Variants in HEXB observed in about 807,000 individuals in gnomAD.
HEXB encodes the protein hexosaminidase subunit beta.
Under a neutral mutation model 71.2 loss-of-function variants are expected in HEXB, and 51 were observed. That is an observed-to-expected ratio of 0.72 (90% confidence interval 0.57 to 0.90). The LOEUF is 0.90. Ranked by LOEUF, HEXB falls within the 40% of genes least tolerant of loss-of-function variation. HEXB has a pLI of 0.00. For missense variants in HEXB, 617 were observed against 677.0 expected (o/e 0.91, Z 0.98); for synonymous variants, 266 against 249.3 (o/e 1.07, Z -0.63).
At chr5:74,662,588 A>G (rs989713846) in intron 1 of HEXB, among the ~76,000 whole-genome samples, 1 of 152,200 alleles carries the variant, frequency 6.6e-6, no homozygotes, top group Non-Finnish European at 1.5e-5. Flanking sequence ...TAGATGTTTT[A>G]AGGTGCTGTT....
intron 1 of HEXB, among the ~76,000 whole-genome samples, chr5:74,650,720 G>A (rs983924872): frequency 2.6e-5 from 4 of 151,792 alleles, no homozygotes; most frequent in Admixed American, 6.6e-5. Flanking sequence ...AGGAGATCGA[G>A]ACCATCCGGG....
intron 11 of HEXB, among the ~76,000 whole-genome samples, chr5:74,719,450 T>TG (rs745751705): frequency 4.6e-5 from 7 of 152,098 alleles, no homozygotes; most frequent in Admixed American, 6.5e-5. Flanking sequence ...ATCTGAAGGG[T>TG]GGAGCTTCAG....
In HEXB at chr5:74,713,502, A is replaced by AC. The variant is rs754003883; in HGVS notation, c.772-3dup. The AC allele has an allele frequency of 6.2e-7, 1 of 1,609,700 alleles. No individual in the cohort carries two copies. The highest frequency in any genetic ancestry group is 2.2e-5 in the East Asian group (1 of 44,834). ...TTTAACTTGAATAAATATGGCTTTTACAGGGAAGCTATTCTTTGTCTCATG... is the reference window on the plus strand; with the variant it reads ...TTTAACTTGAATAAATATGGCTTTTACCAGGGAAGCTATTCTTTGTCTCATG... On this transcript the variant is annotated splice_polypyrimidine_tract_variant and splice_region_variant and intron_variant, in intron 6 of 13. Coordinates refer to ENST00000261416, the MANE Select transcript of HEXB (RefSeq NM_000521.4).
At chr5:74,676,063 G>T (rs1748625441) in intron 1 of HEXB, among the ~76,000 whole-genome samples, 1 of 152,206 alleles carries the variant, frequency 6.6e-6, no homozygotes, top group Admixed American at 6.5e-5. Context: ...ATATGGCAAA[G>T]ATGTCAGTTT....
At chr5:74,640,183 C>T (rs1747799872) in exon 1 of HEXB, 1 of 152,188 alleles carries the variant, frequency 6.6e-6, no homozygotes, top group African/African-American at 2.4e-5. Context: ...CTCCCCTTGC[C>T]CTCTAGTCGA....
intron 1 of HEXB, among the ~76,000 whole-genome samples, chr5:74,669,853 G>A (rs866218356): frequency 6.6e-6 from 1 of 152,176 alleles, no homozygotes; most frequent in African/African-American, 2.4e-5. Flanking sequence ...AAGAGACTGG[G>A]GAGAAAAAGA....
chr5:74,706,790 C>T (rs1317427804), intron 6 of HEXB, among the ~76,000 whole-genome samples: 9 of 151,440 alleles, frequency 5.9e-5, no homozygotes, highest in East Asian at 2.0e-4. Context: ...ACAGAGCAGC[C>T]GGGAAGCTCC....
At chr5:74,660,830 A>C (rs890891641) in intron 1 of HEXB, among the ~76,000 whole-genome samples, 5 of 152,234 alleles carry the variant, frequency 3.3e-5, no homozygotes, top group African/African-American at 1.2e-4. Context: ...GGGATACACA[A>C]ATTGCCATTC....
intron 1 of HEXB, among the ~76,000 whole-genome samples, chr5:74,687,510 A>G (rs1748901056): frequency 6.6e-6 from 1 of 152,134 alleles, no homozygotes; most frequent in East Asian, 1.9e-4. Context: ...AAAAATAAAC[A>G]AATAGCTTCA....
chr5:74,654,320 A>G (rs1281974312), intron 1 of HEXB, among the ~76,000 whole-genome samples: 1 of 152,166 alleles, frequency 6.6e-6, no homozygotes, highest in East Asian at 1.9e-4. Flanking sequence ...GAAATTTTGC[A>G]TTTCTAACGA....
intron 6 of HEXB, among the ~76,000 whole-genome samples, chr5:74,709,693 A>C (rs1032989327): frequency 3.9e-5 from 6 of 152,246 alleles, no homozygotes; most frequent in African/African-American, 9.6e-5. Flanking sequence ...ATCTAGAAGA[A>C]ATGGATAAAT....
chr5:74,693,613 T>C (rs771384286), intron 2 of HEXB, 26 bp from the exon 3 acceptor site: 21 of 1,503,396 alleles, frequency 1.4e-5, no homozygotes, highest in African/African-American at 1.4e-5. Context: ...CAAAAGTGTG[T>C]GTGTGATTTT....
rs141662456 is a variant in HEXB, at chr5:74,699,490, A to G, written c.669+2384A>G. On this transcript the variant is annotated intron_variant, in intron 5 of 13. Coordinates refer to ENST00000261416, the MANE Select transcript of HEXB (RefSeq NM_000521.4). ...GGGTTTCACCATGTTGGTCAGGCTGATCTTGAACTCCTGACCTCAAGTGAT... is the reference window on the plus strand; with the variant it reads ...GGGTTTCACCATGTTGGTCAGGCTGGTCTTGAACTCCTGACCTCAAGTGAT... Among the ~76,000 whole-genome samples, 1,265 of 151,970 alleles carry G rather than the reference A, an allele frequency of 8.3e-3. 12 individuals carry two copies. Among genetic ancestry groups the G allele is most frequent in the Non-Finnish European group, 0.013 (900 of 67,944 alleles).
At chr5:74,697,319 C>T (rs1015069353) in intron 5 of HEXB, among the ~76,000 whole-genome samples, 8 of 152,156 alleles carry the variant, frequency 5.3e-5, no homozygotes, top group Non-Finnish European at 1.0e-4. Flanking sequence ...GCGAGAGCCA[C>T]GTATAACATG....
At chr5:74,702,324 C>T (rs962116778) in intron 5 of HEXB, among the ~76,000 whole-genome samples, 11 of 151,716 alleles carry the variant, frequency 7.3e-5, no homozygotes, top group Middle Eastern at 3.4e-3. Context: ...GTGATCCGCC[C>T]GCCTCGGCCT....
chr5:74,711,618 GT>G (rs1344105506), intron 6 of HEXB, among the ~76,000 whole-genome samples: 1 of 152,090 alleles, frequency 6.6e-6, no homozygotes, highest in Non-Finnish European at 1.5e-5. Flanking sequence ...CAAAAAGTGG[GT>G]GAAGGACATG....
chr5:74,650,647 C>T lies in HEXB; in HGVS notation c.-377+10089C>T, dbSNP rs187658267. On this transcript the variant is annotated intron_variant, in intron 1 of 13. Coordinates refer to the HEXB transcript ENST00000511181. Reference sequence around the variant, plus strand: ...TTTTAAAAGTCAACTGCAGGCCAGGCGCGGTGGCTCACGCCTGTCATCCCA... The same window carrying T: ...TTTTAAAAGTCAACTGCAGGCCAGGTGCGGTGGCTCACGCCTGTCATCCCA... Among the ~76,000 whole-genome samples the T allele has an allele frequency of 3.1e-3, 479 of 152,088 alleles. 3 individuals carry two copies. The highest frequency in any genetic ancestry group is 4.8e-3 in the Non-Finnish European group (326 of 67,980).
At chr5:74,684,372 T>C (rs820871), upstream of HEXB, among the ~76,000 whole-genome samples, 102,505 of 152,176 alleles carry the variant, frequency 0.67, 35,121 homozygotes, top group Non-Finnish European at 0.74. Flanking sequence ...TGAGCCAAGA[T>C]GTTCTCTCTC....
At chr5:74,645,144 T>C (rs1747978970) in intron 1 of HEXB, among the ~76,000 whole-genome samples, 1 of 143,462 alleles carries the variant, frequency 7.0e-6, no homozygotes, top group Admixed American at 7.4e-5. Flanking sequence ...GCTTCCTACA[T>C]CCATTATGTG....
Sources: gnomAD v4.1 joint callset for allele counts (sites outside exome capture counted in the v4.1 genomes callset) on GRCh38, gnomAD v4.1.1 for gene constraint, MANE v1.5 for transcripts, NCBI Gene and HGNC (gene_info 2026-07-23, HGNC 2026-07-21) for gene names.